JPH1: variants seen among roughly 807,000 people sequenced by gnomAD.
JPH1 encodes junctophilin 1.
JPH1 carries 12 observed loss-of-function variants against 53.6 expected under a neutral mutation model. The observed-to-expected ratio is 0.22, with a 90% CI of 0.14 to 0.36. The LOEUF (loss-of-function observed/expected upper bound fraction) is 0.36, where lower values mean the gene tolerates loss of function less well. Among genes scored for constraint, JPH1 ranks in the 10% least tolerant of loss-of-function variants. The pLI is 1.00. For synonymous variants in JPH1, 375 were observed against 363.8 expected (o/e 1.03, Z -0.35); for missense variants, 808 against 905.5 (o/e 0.89, Z 1.38).
At chr8:74,314,479 C>T (rs1387535135) in intron 2 of JPH1, among the ~76,000 whole-genome samples, 1 of 152,120 alleles carries the variant, frequency 6.6e-6, no homozygotes, top group African/African-American at 2.4e-5. Flanking sequence ...TCTTTTGGTA[C>T]ACAAAACACA....
chr8:74,282,731 T>C (rs186646340), intron 2 of JPH1, among the ~76,000 whole-genome samples: 1 of 152,252 alleles, frequency 6.6e-6, no homozygotes, highest in Admixed American at 6.5e-5. Context: ...AGAAATACAT[T>C]CTAGTGTTCT....
intron 2 of JPH1, among the ~76,000 whole-genome samples, chr8:74,309,461 C>T (rs960205418): frequency 1.3e-5 from 2 of 152,078 alleles, no homozygotes; most frequent in Non-Finnish European, 2.9e-5. Flanking sequence ...TTCTAATATT[C>T]AGATCACACC....
chr8:74,281,713 T>C (rs1807021558), intron 2 of JPH1, among the ~76,000 whole-genome samples: 1 of 152,204 alleles, frequency 6.6e-6, no homozygotes, highest in Non-Finnish European at 1.5e-5. Context: ...ACCCCAACCC[T>C]GACCTGACTC....
chr8:74,243,732 T>C (rs1805764338), intron 4 of JPH1, among the ~76,000 whole-genome samples: 1 of 152,236 alleles, frequency 6.6e-6, no homozygotes, highest in Non-Finnish European at 1.5e-5. Flanking sequence ...ATAAATACTA[T>C]AGCATTTGAT....
intron 2 of JPH1, among the ~76,000 whole-genome samples, chr8:74,273,651 G>A (rs1287498849): frequency 1.3e-5 from 2 of 152,138 alleles, no homozygotes. Context: ...TTCAATTCAT[G>A]GCTTAAAAAT....
intron 2 of JPH1, among the ~76,000 whole-genome samples, chr8:74,306,702 G>A (rs185979736): frequency 1.3e-5 from 2 of 151,778 alleles, no homozygotes; most frequent in South Asian, 2.1e-4. Context: ...AGGTTCAAGC[G>A]ATTCCTGCCT....
At position 74,296,778 on chromosome 8, in the gene JPH1, C is replaced by T. The variant is rs542262995; in HGVS notation, c.1139+18083G>A. Among the ~76,000 whole-genome samples the T allele has an allele frequency of 3.3e-5, 5 of 152,158 alleles. No homozygotes were observed. The East Asian group carries it at 5.8e-4, about 18-fold the overall frequency. On this transcript the variant is annotated intron_variant, in intron 2 of 5. Coordinates refer to ENST00000342232, the MANE Select transcript of JPH1 (RefSeq NM_020647.4). ...AAATAAATATTGTATATATTTATAG[C>T]GTATAACGTGATGCTTTGATATATG... is the stretch of plus-strand genomic sequence containing the variant.
chr8:74,267,223 A>G (rs997477283), intron 2 of JPH1, among the ~76,000 whole-genome samples: 2 of 152,202 alleles, frequency 1.3e-5, no homozygotes, highest in East Asian at 1.9e-4. Context: ...GTCATGTCAC[A>G]GAAGATGAGT....
chr8:74,264,310 T>A (rs1195787571), intron 2 of JPH1, among the ~76,000 whole-genome samples: 1 of 152,134 alleles, frequency 6.6e-6, no homozygotes, highest in African/African-American at 2.4e-5. Flanking sequence ...CTCCATAAAT[T>A]CCTTTTTTTT....
At chr8:74,294,553 CT>C in intron 2 of JPH1, among the ~76,000 whole-genome samples, 1 of 152,302 alleles carries the variant, frequency 6.6e-6, no homozygotes, top group Admixed American at 6.5e-5. Flanking sequence ...GAACAAATTT[CT>C]TTTTTGGTGA....
At chr8:74,254,928 A>G (rs1806173448) in intron 3 of JPH1, among the ~76,000 whole-genome samples, 1 of 152,222 alleles carries the variant, frequency 6.6e-6, no homozygotes, top group South Asian at 2.1e-4. Context: ...TTCCATGCTC[A>G]TGGGTAGGAA....
rs1282683675 is a variant in JPH1, at chr8:74,315,578, T to C, written c.422A>G (p.Tyr141Cys). ...GQWAGGMRHG[Y>C]GVRQSVPYGM... ...GTAGGGCACGCTCTGGCGCACGCCG[T>C]AGCCATGCCGCATGCCTCCGGCCCA... is the stretch of plus-strand genomic sequence containing the variant. The change falls in exon 2 of 6, where the codon TAC becomes TGC. Residue 141 changes from tyrosine to cysteine, a missense_variant. Transcript: ENST00000342232. This position sits in a 1 kb window ranked among gnomAD's most constrained non-coding sequence, Gnocchi z 6.3. 6.2e-7 allele frequency: 1 copy of C among 1,605,030 alleles called. No homozygotes were observed. The highest frequency in any genetic ancestry group is 1.3e-5 in the African/African-American group (1 of 74,924).
rs1174398545 is a variant in JPH1, at chr8:74,244,697, T to A, written c.1737A>T (p.Ala579=). 7 of 1,614,152 alleles carry A rather than the reference T, an allele frequency of 4.3e-6. No homozygotes were observed. The highest frequency in any genetic ancestry group is 5.9e-6 in the Non-Finnish European group (7 of 1,180,030). ...DGDGSSQSSS[A]LVHKPSANKW... The stretch of plus-strand genomic sequence containing the variant: ...TGTTAGCGGATGGCTTGTGCACCAG[T>A]GCTGAGGAAGACTGGCTGGATCCAT... The change falls in exon 4 of 6, where the codon GCA becomes GCT. Residue 579 remains alanine, a synonymous_variant. Transcript: ENST00000342232.
At chr8:74,239,722 G>A (rs1330437021) in intron 4 of JPH1, among the ~76,000 whole-genome samples, 1 of 152,170 alleles carries the variant, frequency 6.6e-6, no homozygotes, top group Admixed American at 6.5e-5. Flanking sequence ...TTCTTCTGAT[G>A]TACAGGTTGA....
rs1488887725 is a variant in JPH1, at chr8:74,320,904, C to T, written c.379+5G>A. The T allele has an allele frequency of 6.5e-7, 1 of 1,529,428 alleles. No individual in the cohort carries two copies. Among genetic ancestry groups the T allele is most frequent in the African/African-American group, 1.4e-5 (1 of 70,822 alleles). 94.7% of individuals were successfully genotyped at this position (1,529,428 alleles called of 1,614,324 possible). A position where few individuals can be genotyped will look rare whatever the true frequency, so the allele number is the denominator to read the frequency against. On this transcript the variant is annotated splice_donor_5th_base_variant and intron_variant, in intron 1 of 5. Transcript: ENST00000342232. This position sits in a 1 kb window ranked among gnomAD's most constrained non-coding sequence, Gnocchi z 4.4. ...AGCAGCCGAGCCGCCCGTTACGCCG[C>T]TCACCTCCGTCCCCGTAGGTCTCCA...
chr8:74,315,284 A>T lies in JPH1; in HGVS notation c.716T>A (p.Val239Asp). Residue 239 changes from valine to aspartate, a missense_variant, in exon 2 of 6, where the codon GTC (valine) becomes GAC (aspartate). By Grantham distance (152) the Val-to-Asp change is radical. Coordinates refer to ENST00000342232, the MANE Select transcript of JPH1 (RefSeq NM_020647.4). This position sits in a 1 kb window ranked among gnomAD's most constrained non-coding sequence, Gnocchi z 6.3. ...TCTGCTCATGGCCGCGTCGCTGCGG[A>T]CAGAGCTGCGCTTGCTCGAGATGGA... ...KSSISSKRSSVRSDAAMSRIS... is the reference protein window; with the variant it reads ...KSSISSKRSSDRSDAAMSRIS... 6.2e-7 allele frequency: 1 copy of T among 1,614,114 alleles called. No individual in the cohort carries two copies. The highest frequency in any genetic ancestry group is 8.5e-7 in the Non-Finnish European group (1 of 1,180,040).
chr8:74,255,461 A>T (rs1247963439), intron 3 of JPH1, among the ~76,000 whole-genome samples: 105 of 152,128 alleles, frequency 6.9e-4, no homozygotes, highest in African/African-American at 2.5e-3. Flanking sequence ...AACCTAGGCA[A>T]TACCATTCAG....
At chr8:74,285,325 C>T (rs965900375) in intron 2 of JPH1, among the ~76,000 whole-genome samples, 24 of 151,848 alleles carry the variant, frequency 1.6e-4, no homozygotes, top group Non-Finnish European at 2.5e-4. Flanking sequence ...ATAAATACTA[C>T]ATATAAATAC....
intron 2 of JPH1, among the ~76,000 whole-genome samples, chr8:74,308,784 A>C (rs1409514205): frequency 6.6e-6 from 1 of 152,220 alleles, no homozygotes; most frequent in African/African-American, 2.4e-5. Context: ...CTTAAAGCAG[A>C]GTGAGGACCC....
Sources: allele counts gnomAD v4.1 joint callset (sites outside exome capture counted in the v4.1 genomes callset), GRCh38; gene constraint gnomAD v4.1.1; non-coding constraint Gnocchi (gnomAD v3.1); transcripts MANE v1.5; gene names NCBI Gene and HGNC (gene_info 2026-07-23, HGNC 2026-07-21).